Variants in FTCD observed in about 807,000 individuals in gnomAD.
FTCD encodes the protein formimidoyltransferase-cyclodeaminase.
In FTCD, 76 loss-of-function variants were observed where a neutral mutation model predicts 62.9. The ratio of observed to expected loss-of-function variants is 1.21; its 90% CI spans 1.00 to 1.46. The LOEUF is 1.46. FTCD is among the 40% of genes most tolerant of loss of function. The probability of loss-of-function intolerance (pLI) is 0.00; values close to 1 mark genes in which losing one functional copy is unlikely to be tolerated. For synonymous variants in FTCD, 397 were observed against 336.9 expected, an observed-to-expected ratio of 1.18 and a Z score of -1.95; for missense variants, 845 against 751.3, an observed-to-expected ratio of 1.12 and a Z score of -1.46.
chr21:46,140,693 T>A (rs60819367), intron 10 of FTCD, among the ~76,000 whole-genome samples: 2 of 111,154 alleles, frequency 1.8e-5, no homozygotes, highest in Admixed American at 9.1e-5. Flanking sequence ...TCACAGGGAG[T>A]GTAAACCAAT....
chr21:46,149,884 A>T (rs761640271), intron 7 of FTCD, among the ~76,000 whole-genome samples: 1 of 152,182 alleles, frequency 6.6e-6, no homozygotes, highest in Non-Finnish European at 1.5e-5. Context: ...ACCAAGCAGA[A>T]AGGGTGGGGT....
intron 3 of FTCD, chr21:46,152,264 A>G (rs1410051248): frequency 4.7e-6 from 2 of 421,924 alleles, no homozygotes; most frequent in East Asian, 7.2e-5. Context: ...CAGGACGTTC[A>G]TGCTTCTGTT....
In FTCD at chr21:46,150,103, C is replaced by A. The variant is rs368811508; in HGVS notation, c.906+16G>T. On this transcript the variant is annotated intron_variant, in intron 7 of 13. Coordinates refer to ENST00000397746, the MANE Select transcript of FTCD (RefSeq NM_206965.2). ...TGCACGCCCCTGTCCGACCCTTCCT[C>A]GGCAGCCCGGCCCACCAGCCTGATC... 1 of 1,598,700 alleles carries A rather than the reference C, an allele frequency of 6.3e-7. No homozygotes were observed. Among genetic ancestry groups the A allele is most frequent in the Non-Finnish European group, 8.5e-7 (1 of 1,172,426 alleles).
At chr21:46,137,196 G>T (rs993297527) in intron 13 of FTCD, 43 bp downstream of exon 13, 1 of 1,579,360 alleles carries the variant, frequency 6.3e-7, no homozygotes, top group Non-Finnish European at 8.7e-7. Flanking sequence ...GTGAATCCAG[G>T]CCCCCACGTG....
downstream of FTCD, chr21:46,136,539 G>A (rs770559487): frequency 6.2e-7 from 1 of 1,606,928 alleles, no homozygotes; most frequent in Non-Finnish European, 8.5e-7. Context: ...CAGACAAGGG[G>A]CCTCACAGCC....
rs763813995 is a variant in FTCD at position 46,136,862 on chromosome 21, C to G, written c.*125G>C. 6.4e-7 allele frequency: 1 copy of G among 1,557,496 alleles called. No homozygotes were observed. ...GCGCCTCCATTCCCAGGCGATGCCC[C>G]GCTGCCTGCCCACCTACCCTCCGGG... is the stretch of plus-strand genomic sequence containing the variant. On this transcript the variant is annotated 3_prime_UTR_variant, in exon 14 of 14. Coordinates refer to ENST00000397746, the MANE Select transcript of FTCD (RefSeq NM_206965.2).
At position 46,150,163 on chromosome 21, in the gene FTCD, T is replaced by C; in HGVS notation, c.862A>G (p.Lys288Glu). 6.2e-7 allele frequency: 1 copy of C among 1,610,752 alleles called. No individual in the cohort carries two copies. Among genetic ancestry groups the C allele is most frequent in the East Asian group, 2.2e-5 (1 of 44,776 alleles). The change falls in exon 7 of 14, where the codon AAG becomes GAG. Residue 288 changes from lysine to glutamate, a missense_variant. Physicochemically the swap from Lys to Glu is moderately conservative, Grantham distance 56. Transcript: ENST00000397746. ...LLDAAAFYCE[K>E]ENLFILEEEQ... ...TCCTCCAGGATGAAGAGGTTCTCCT[T>C]CTCGCAGTAGAAGGCGGCCGCATCC...
downstream of FTCD, chr21:46,136,523 T>G: frequency 5.0e-6 from 8 of 1,611,176 alleles, no homozygotes; most frequent in Non-Finnish European, 6.8e-6. Flanking sequence ...CAGGGCCCCT[T>G]TCCCTCAGAC....
At chr21:46,147,289 G>GA (rs35123061) in intron 7 of FTCD, among the ~76,000 whole-genome samples, 113,125 of 147,802 alleles carry the variant, frequency 0.77, 43,662 homozygotes, top group South Asian at 0.88. Context: ...GGTGAAGCAG[G>GA]AAAAAAAAAA....
chr21:46,150,596 G>A, intron 5 of FTCD, 71 bp from the exon 6 acceptor site: 1 of 1,497,302 alleles, frequency 6.7e-7, no homozygotes, highest in Non-Finnish European at 9.3e-7. Context: ...GTCTCTCCTG[G>A]CACTTGCATT....
intron 10 of FTCD, among the ~76,000 whole-genome samples, chr21:46,143,072 C>T (rs932288362): frequency 6.6e-6 from 1 of 152,138 alleles, no homozygotes; most frequent in Non-Finnish European, 1.5e-5. Flanking sequence ...GACCCTCAGG[C>T]GACTCCCTCT....
At chr21:46,150,065 T>C in intron 7 of FTCD, 54 bp downstream of exon 7, 2 of 1,162,472 alleles carry the variant, frequency 1.7e-6, no homozygotes, top group Non-Finnish European at 2.5e-6. Context: ...CGCCACCGCC[T>C]CCCCACCCTC....
chr21:46,151,172 G>C (rs1699182117), intron 5 of FTCD, among the ~76,000 whole-genome samples: 1 of 151,994 alleles, frequency 6.6e-6, no homozygotes, highest in African/African-American at 2.4e-5. Flanking sequence ...AAGGCCTGGG[G>C]GCACCTGAAG....
chr21:46,138,110 C>T (rs966434043), intron 12 of FTCD, among the ~76,000 whole-genome samples: 4 of 152,076 alleles, frequency 2.6e-5, no homozygotes, highest in Non-Finnish European at 4.4e-5. Flanking sequence ...AGGCTGGTCT[C>T]GACCTCCTCT....
chr21:46,151,365 C>T (rs2079268357), intron 5 of FTCD, among the ~76,000 whole-genome samples, 193 bp downstream of exon 5: 1 of 152,236 alleles, frequency 6.6e-6, no homozygotes, highest in African/African-American at 2.4e-5. Flanking sequence ...CAGCTTCACT[C>T]CGCCCCTGAC....
At chr21:46,142,724 T>C (rs956869708) in intron 10 of FTCD, 6 of 152,256 alleles carry the variant, frequency 3.9e-5, no homozygotes, top group Non-Finnish European at 8.8e-5. Context: ...CTGGTTTCGG[T>C]GGCCAGCTTT....
chr21:46,145,102 G>C (rs1041568074), intron 10 of FTCD, among the ~76,000 whole-genome samples: 1 of 152,218 alleles, frequency 6.6e-6, no homozygotes, highest in Non-Finnish European at 1.5e-5. Flanking sequence ...CCTTGCTCCA[G>C]GTCTGTGGGG....
chr21:46,145,331 G>T (rs976529111), intron 10 of FTCD, 86 bp downstream of exon 10: 2 of 1,151,438 alleles, frequency 1.7e-6, no homozygotes, highest in Middle Eastern at 2.8e-4. Context: ...CTCCCCAGCC[G>T]GAGGCTGACC....
At chr21:46,146,056 C>A (rs1023222191) in intron 8 of FTCD, 109 bp from the exon 9 acceptor site, 1 of 752,808 alleles carries the variant, frequency 1.3e-6, no homozygotes, top group African/African-American at 1.8e-5. Flanking sequence ...GGGGAGGTGA[C>A]CACTCGGCTG....
Sources: gnomAD v4.1 joint callset for allele counts (sites outside exome capture counted in the v4.1 genomes callset) on GRCh38, gnomAD v4.1.1 for gene constraint, MANE v1.5 for transcripts, NCBI Gene and HGNC (gene_info 2026-07-23, HGNC 2026-07-21) for gene names.